PHF24: variants seen among roughly 807,000 people sequenced by gnomAD.
PHF24 encodes Galpha inhibitory interacting protein.
In PHF24, 25 loss-of-function variants were observed where a neutral mutation model predicts 42.6. The ratio of observed to expected loss-of-function variants is 0.59; its 90% confidence interval spans 0.43 to 0.82. The LOEUF (loss-of-function observed/expected upper bound fraction) is 0.82, where lower values mean the gene tolerates loss of function less well. PHF24 is among the 40% of genes least tolerant of loss of function. PHF24 has a pLI of 0.00. For missense variants in PHF24, 470 were observed against 538.1 expected, an observed-to-expected ratio of 0.87 and a Z score of 1.25; for synonymous variants, 185 against 204.8, an observed-to-expected ratio of 0.90 and a Z score of 0.83.
the PHF24 span, among the ~76,000 whole-genome samples, chr9:34,684,519 T>A: frequency 6.6e-6 from 1 of 152,046 alleles, no homozygotes; most frequent in Non-Finnish European, 1.5e-5. Context: ...CTGAGAGGAA[T>A]GGTGGCTTGA....
At chr9:34,931,810 A>G in the PHF24 span, among the ~76,000 whole-genome samples, 4 of 152,282 alleles carry the variant, frequency 2.6e-5, no homozygotes, top group East Asian at 5.8e-4. Flanking sequence ...CTTTATGGCA[A>G]TGTGAGAATG....
chr9:34,898,771 T>G, the PHF24 span, among the ~76,000 whole-genome samples: 1 of 152,180 alleles, frequency 6.6e-6, no homozygotes, highest in Non-Finnish European at 1.5e-5. Context: ...TAGCCTGACG[T>G]CTTGCACCCA....
the PHF24 span, among the ~76,000 whole-genome samples, chr9:34,769,975 T>C: frequency 6.6e-6 from 1 of 152,276 alleles, no homozygotes; most frequent in Middle Eastern, 3.4e-3. Flanking sequence ...AGTAGAAGAA[T>C]ACATGGAATG....
At chr9:34,735,392 C>T in the PHF24 span, among the ~76,000 whole-genome samples, 1 of 151,556 alleles carries the variant, frequency 6.6e-6, no homozygotes, top group South Asian at 2.1e-4. Context: ...ACCTCGGCCT[C>T]CCAAAGTGCT....
the PHF24 span, among the ~76,000 whole-genome samples, chr9:34,848,516 G>A: frequency 2.6e-5 from 4 of 152,092 alleles, no homozygotes; most frequent in Non-Finnish European, 5.9e-5. Flanking sequence ...TTTTGCTAGC[G>A]ATCTATCAAT....
chr9:34,703,677 C>CCATT, the PHF24 span, among the ~76,000 whole-genome samples: 1 of 101,770 alleles, frequency 9.8e-6, no homozygotes, highest in African/African-American at 2.8e-5. Flanking sequence ...TATGGAGTAA[C>CCATT]CATTCTTTTA....
At chr9:34,785,970 C>G in the PHF24 span, among the ~76,000 whole-genome samples, 103 of 152,266 alleles carry the variant, frequency 6.8e-4, no homozygotes, top group Non-Finnish European at 1.0e-4. Context: ...GTTAAAATTA[C>G]TAGCTTAATT....
the PHF24 span, among the ~76,000 whole-genome samples, chr9:34,880,749 A>G: frequency 6.6e-6 from 1 of 152,174 alleles, no homozygotes; most frequent in Non-Finnish European, 1.5e-5. Flanking sequence ...CTCCCACACA[A>G]TAATAATGGG....
the PHF24 span, among the ~76,000 whole-genome samples, chr9:34,796,816 T>C: frequency 1.5e-3 from 226 of 152,292 alleles, no homozygotes; most frequent in Non-Finnish European, 2.5e-3. Flanking sequence ...TTCCTAGGTA[T>C]TTATACCAGA....
At chr9:34,789,119 A>T in the PHF24 span, among the ~76,000 whole-genome samples, 1 of 152,148 alleles carries the variant, frequency 6.6e-6, no homozygotes, top group African/African-American at 2.4e-5. Context: ...CTAGGTGGGG[A>T]TAAAGGCAGG....
At chr9:34,797,722 C>CG in the PHF24 span, among the ~76,000 whole-genome samples, 4 of 151,394 alleles carry the variant, frequency 2.6e-5, no homozygotes, top group African/African-American at 7.3e-5. Flanking sequence ...GCTAGGGTCT[C>CG]GGGGGGGTTT....
the PHF24 span, chr9:34,726,337 T>G: frequency 6.5e-7 from 1 of 1,545,046 alleles, no homozygotes; most frequent in East Asian, 2.4e-5. Context: ...AATGCATCCA[T>G]TTTTTAACAT....
the PHF24 span, among the ~76,000 whole-genome samples, chr9:34,798,040 G>A: frequency 2.0e-5 from 3 of 152,138 alleles, no homozygotes; most frequent in Non-Finnish European, 4.4e-5. Context: ...AGGATTAGGG[G>A]GTAGAGAAAA....
chr9:34,721,977 T>C, the PHF24 span, among the ~76,000 whole-genome samples: 1 of 152,162 alleles, frequency 6.6e-6, no homozygotes, highest in African/African-American at 2.4e-5. Context: ...CCTCCTTTAC[T>C]TTCCAGTTTC....
At chr9:34,954,031 TGG>T (rs1233745910), upstream of PHF24, among the ~76,000 whole-genome samples, 4 of 152,134 alleles carry the variant, frequency 2.6e-5, no homozygotes, top group African/African-American at 9.6e-5. Context: ...ATAGAAGAGA[TGG>T]GCACGGTGTC....
the PHF24 span, among the ~76,000 whole-genome samples, chr9:34,701,984 G>A: frequency 6.6e-6 from 1 of 152,144 alleles, no homozygotes; most frequent in African/African-American, 2.4e-5. The surrounding 1 kb of genome is among the most constrained non-coding windows in gnomAD (Gnocchi z 5.8). Context: ...CACTTCGCTC[G>A]CACCCGATAG....
intron 3 of PHF24, among the ~76,000 whole-genome samples, chr9:34,974,731 T>C (rs1008018416): frequency 6.6e-6 from 1 of 152,144 alleles, no homozygotes; most frequent in African/African-American, 2.4e-5. Flanking sequence ...TGTCCAGACC[T>C]AAATTTCCTG....
At chr9:34,971,742 G>T (rs1433921598) in intron 2 of PHF24, 66 bp downstream of exon 2, 1 of 1,512,708 alleles carries the variant, frequency 6.6e-7, no homozygotes, top group Non-Finnish European at 8.9e-7. Context: ...AGGGAAGATG[G>T]ATGTGGGTAA....
the PHF24 span, among the ~76,000 whole-genome samples, chr9:34,815,401 C>T: frequency 5.9e-5 from 9 of 152,186 alleles, no homozygotes; most frequent in South Asian, 4.1e-4. Flanking sequence ...TGGCTCACTG[C>T]GAGCTCCGCC....
Sources: gnomAD v4.1 joint callset for allele counts (sites outside exome capture counted in the v4.1 genomes callset) on GRCh38, gnomAD v4.1.1 for gene constraint, Gnocchi (gnomAD v3.1) non-coding constraint, MANE v1.5 for transcripts, NCBI Gene and HGNC (gene_info 2026-07-23, HGNC 2026-07-21) for gene names.